The following ERCC6L variants were observed in gnomAD, a reference collection of about 807,000 sequenced individuals.
ERCC6L encodes the protein ERCC excision repair 6 like, spindle assembly checkpoint helicase, also known as DNA excision repair protein ERCC-6-like.
In ERCC6L, 7 loss-of-function variants were observed where a neutral mutation model predicts 20.1. The observed-to-expected ratio is 0.35, with a 90% CI of 0.20 to 0.65. ERCC6L has a LOEUF of 0.65. Ranked by LOEUF, ERCC6L falls within the 30% of genes least tolerant of loss-of-function variation. ERCC6L has a pLI of 0.69. For missense variants in ERCC6L, 592 were observed against 892.4 expected (o/e 0.66, Z 4.29); for synonymous variants, 278 against 331.3 (o/e 0.84, Z 1.75).
rs140268234 is a variant in ERCC6L at position 72,235,788 on chromosome X, C to G, written c.68+3056G>C. On this transcript the variant is annotated intron_variant, in intron 1 of 1. Transcript: ENST00000334463. ...GTCAGCTGGTTAGTGACCTTAATTC[C>G]TCTCTACCATATGAGGGTAACATAT... 2.7e-4 allele frequency among the ~76,000 whole-genome samples: 30 copies of G among 111,822 alleles called. No individual in the cohort carries two copies. The East Asian group carries it at 7.9e-3, about 29-fold the overall frequency.
chrX:72,229,737 A>T (rs1413125894), intron 1 of ERCC6L, among the ~76,000 whole-genome samples: 1 of 111,675 alleles, frequency 9.0e-6, no homozygotes. Flanking sequence ...ATATGTTAGA[A>T]AAGGAAGGGC....
chrX:72,230,132 G>A (rs749346954), intron 1 of ERCC6L, among the ~76,000 whole-genome samples: 4 of 108,861 alleles, frequency 3.7e-5, no homozygotes, highest in Admixed American at 2.0e-4. Flanking sequence ...CCGAGATTGC[G>A]CCACTGCACT....
chrX:72,225,940 T>G (rs1180340126), intron 1 of ERCC6L, among the ~76,000 whole-genome samples: 2 of 112,064 alleles, frequency 1.8e-5, no homozygotes, highest in African/African-American at 6.5e-5. Context: ...TTAAAAATTT[T>G]GGTCACAGCC....
chrX:72,220,045 A>AG (rs1359115625), intron 1 of ERCC6L, among the ~76,000 whole-genome samples: 1 of 110,665 alleles, frequency 9.0e-6, no homozygotes, highest in Non-Finnish European at 1.9e-5. Flanking sequence ...TTTTATTCCT[A>AG]GTTTGTTGAG....
intron 1 of ERCC6L, among the ~76,000 whole-genome samples, chrX:72,222,482 C>T (rs1000381258): frequency 6.3e-5 from 7 of 110,889 alleles, no homozygotes; most frequent in African/African-American, 2.0e-4. Flanking sequence ...TGGCATCAGG[C>T]GACAGAACCA....
rs990688578 is a variant in ERCC6L at position 72,226,846 on chromosome X, C to G, written c.68+11998G>C. On this transcript the variant is annotated intron_variant, in intron 1 of 1. Transcript: ENST00000334463. Reference sequence around the variant, plus strand: ...ACAAAACAAATTAGTCCCATCTGACCCTGAAGAAACTGCTCTTTTATAGGA... The same window carrying G: ...ACAAAACAAATTAGTCCCATCTGACGCTGAAGAAACTGCTCTTTTATAGGA... Among the ~76,000 whole-genome samples, 3 of 111,639 alleles carry G rather than the reference C, an allele frequency of 2.7e-5. No homozygotes were observed. The Admixed American group carries it at 2.9e-4, about 11-fold the overall frequency.
chrX:72,232,984 C>G (rs2984350), intron 1 of ERCC6L, among the ~76,000 whole-genome samples: 46,354 of 109,387 alleles, frequency 0.42, 8,914 homozygotes, highest in East Asian at 0.98. Flanking sequence ...TGGTTGAAAG[C>G]CTGATGGGTT....
chrX:72,238,895 C>T lies in ERCC6L; in HGVS notation c.17G>A (p.Arg6Lys), dbSNP rs1279095840. The T allele has an allele frequency of 8.4e-7, 1 of 1,194,396 alleles. No homozygotes were observed. ...GCTCAAGGCCTCGGCTTCCGGAAAC[C>T]TTCGGGATGCCTCCATGACCCTCGG... is the stretch of plus-strand genomic sequence containing the variant. Reference protein sequence around the residue: MEASRRFPEAEALSPE... With the variant: MEASRKFPEAEALSPE... The change falls in exon 1 of 2, where the codon AGG (arginine) becomes AAG (lysine). Residue 6 changes from arginine to lysine, a missense_variant. Coordinates refer to ENST00000334463, the MANE Select transcript of ERCC6L (RefSeq NM_017669.4).
rs769682030 is a variant in ERCC6L, at chrX:72,218,178, G to A, written c.69-9480C>T. Among the ~76,000 whole-genome samples, 3 of 108,410 alleles carry A rather than the reference G, an allele frequency of 2.8e-5. No homozygotes were observed. In the East Asian group the frequency reaches 8.9e-4, roughly 32 times the overall value. The allele number at this position is 108,410 out of a possible 115,157, so 94.1% of individuals were successfully genotyped here. On this transcript the variant is annotated intron_variant, in intron 1 of 1. Coordinates refer to ENST00000334463, the MANE Select transcript of ERCC6L (RefSeq NM_017669.4). The stretch of plus-strand genomic sequence containing the variant: ...CCAGCTACTCAGGAGGCTGAGGCAG[G>A]AGAATGGTGGGAACCTGGGAGGCGG...
chrX:72,205,165 T>C lies in ERCC6L; in HGVS notation c.3602A>G (p.Glu1201Gly). Residue 1201 changes from glutamate (E) to glycine (G), a missense_variant, in exon 2 of 2, where the codon GAG (glutamate) becomes GGG (glycine). Transcript: ENST00000334463. ...TTCTTTTCCACGCTTTACAAGAGTC[T>C]CATAGTCATTTGTAGCCTCTGCCGC... is the stretch of plus-strand genomic sequence containing the variant. Reference protein sequence around the residue: ...DKAAEATNDYETLVKRGKELK... With the variant: ...DKAAEATNDYGTLVKRGKELK... The C allele has an allele frequency of 8.3e-7, 1 of 1,211,840 alleles. No homozygotes were observed. The highest frequency in any genetic ancestry group is 1.1e-6 in the Non-Finnish European group (1 of 895,580).
At chrX:72,226,739 A>G (rs921391246) in intron 1 of ERCC6L, among the ~76,000 whole-genome samples, 2 of 111,421 alleles carry the variant, frequency 1.8e-5, no homozygotes, top group Non-Finnish European at 3.8e-5. Flanking sequence ...CTCATACAAC[A>G]TATCCCCTCC....
chrX:72,208,698 T>C lies in ERCC6L; in HGVS notation c.69A>G (p.Arg23=). ...LSPEQAAHYL[R]YVKEAKEATK... ...TTGCTTCTTTGGCCTCTTTCACATA[T>C]CTATAGAAAAAAAAAGAAGAAGAGG... is the stretch of plus-strand genomic sequence containing the variant. The change falls in exon 2 of 2, where the codon AGA becomes AGG. Residue 23 remains arginine (R), a splice_region_variant and synonymous_variant. Coordinates refer to ENST00000334463, the MANE Select transcript of ERCC6L (RefSeq NM_017669.4). The C allele has an allele frequency of 1.7e-6, 2 of 1,160,432 alleles. No homozygotes were observed. Among genetic ancestry groups the C allele is most frequent in the Non-Finnish European group, 1.2e-6 (1 of 867,649 alleles).
Position 72,238,989 on chromosome X carries a change from G to C in ERCC6L, c.-78C>G. The stretch of plus-strand genomic sequence containing the variant: ...TGGAGCTTGGAGCTTGGAGCTTAGA[G>C]TTTGGAGCTTGAATTTCGCTCACTC... On this transcript the variant is annotated 5_prime_UTR_variant, in exon 1 of 2. Coordinates refer to ENST00000334463, the MANE Select transcript of ERCC6L (RefSeq NM_017669.4). The C allele has an allele frequency of 1.0e-6, 1 of 996,067 alleles. No homozygotes were observed. Among genetic ancestry groups the C allele is most frequent in the African/African-American group, 1.9e-5 (1 of 53,535 alleles). The allele number at this position is 996,067 out of a possible 1,213,427, so 82.1% of individuals were successfully genotyped here. A position where few individuals can be genotyped will look rare whatever the true frequency, so the allele number is the denominator to read the frequency against.
At chrX:72,233,463 C>T (rs774308433) in intron 1 of ERCC6L, among the ~76,000 whole-genome samples, 1 of 111,537 alleles carries the variant, frequency 9.0e-6, no homozygotes, top group South Asian at 3.8e-4. Flanking sequence ...GTAGCTCACG[C>T]CTGTAATCAC....
chrX:72,216,222 C>A (rs2147590976), intron 1 of ERCC6L, among the ~76,000 whole-genome samples: 1 of 107,563 alleles, frequency 9.3e-6, no homozygotes, highest in African/African-American at 3.4e-5. Context: ...GAGGAGAATG[C>A]CACATGAAGA....
chrX:72,220,681 G>A (rs972136181), intron 1 of ERCC6L, among the ~76,000 whole-genome samples: 1 of 109,274 alleles, frequency 9.2e-6, no homozygotes, highest in Admixed American at 9.8e-5. Flanking sequence ...TTCCAACCCC[G>A]CCATAAAACT....
rs973013894 is a variant in ERCC6L, at chrX:72,205,776, T to C, written c.2991A>G (p.Thr997=). 4.1e-6 allele frequency: 5 copies of C among 1,211,869 alleles called. No individual in the cohort carries two copies. The highest frequency in any genetic ancestry group is 3.0e-5 in the East Asian group (1 of 33,867). ...NSRAGFVHSK[T]CLSWEFSEKD... ...TCTCAGAAAACTCCCAACTGAGACATGTTTTGCTATGCACAAACCCTGCTC... is the reference window on the plus strand; with the variant it reads ...TCTCAGAAAACTCCCAACTGAGACACGTTTTGCTATGCACAAACCCTGCTC... The change falls in exon 2 of 2, where the codon ACA becomes ACG. Residue 997 remains threonine, a synonymous_variant. Transcript: ENST00000334463.
rs369067469 is a variant in ERCC6L at position 72,238,931 on chromosome X, A to C, written c.-20T>G. 5 of 1,171,975 alleles carry C rather than the reference A, an allele frequency of 4.3e-6. No homozygotes were observed. The African/African-American group carries it at 5.3e-5, about 12-fold the overall frequency. Reference sequence around the variant, plus strand: ...CTCCATGACCCTCGGATTGGGTTCCAGTTACCCCGGCGGGAGTTTGGAGCT... The same window carrying C: ...CTCCATGACCCTCGGATTGGGTTCCCGTTACCCCGGCGGGAGTTTGGAGCT... On this transcript the variant is annotated 5_prime_UTR_variant, in exon 1 of 2. Coordinates refer to ENST00000334463, the MANE Select transcript of ERCC6L (RefSeq NM_017669.4).
chrX:72,223,213 G>A lies in ERCC6L; in HGVS notation c.69-14515C>T, dbSNP rs775759149. 6.0e-3 allele frequency among the ~76,000 whole-genome samples: 609 copies of A among 100,955 alleles called. 4 individuals are homozygous for A. The highest frequency in any genetic ancestry group is 0.02 in the African/African-American group (558 of 27,953). 87.7% of individuals were successfully genotyped at this position (100,955 alleles called of 115,157 possible). A position where few individuals can be genotyped will look rare whatever the true frequency, so the allele number is the denominator to read the frequency against. On this transcript the variant is annotated intron_variant, in intron 1 of 1. Coordinates refer to ENST00000334463, the MANE Select transcript of ERCC6L (RefSeq NM_017669.4). ...AAATTAGCCGGGCATGGTGGCAGGC[G>A]CCTGTAATCCCAGCTACTTGGGAGG...
Sources: gnomAD v4.1 joint callset for allele counts (sites outside exome capture counted in the v4.1 genomes callset) on GRCh38, gnomAD v4.1.1 for gene constraint, MANE v1.5 for transcripts, NCBI Gene and HGNC (gene_info 2026-07-23, HGNC 2026-07-21) for gene names.